Variants in SLC9B2 observed in about 807,000 individuals in gnomAD.
SLC9B2 encodes solute carrier family 9 member B2, also known as sodium/hydrogen exchanger 9B2.
In SLC9B2, 39 loss-of-function variants were observed where a neutral mutation model predicts 52.2. The observed-to-expected ratio is 0.75, with a 90% CI of 0.58 to 0.98. The LOEUF (loss-of-function observed/expected upper bound fraction) is 0.98. Among genes scored for constraint, SLC9B2 ranks in the 50% least tolerant of loss-of-function variants. SLC9B2 has a pLI of 0.00. For missense variants in SLC9B2, 626 were observed against 637.5 expected, an observed-to-expected ratio of 0.98 and a Z score of 0.19; for synonymous variants, 214 against 227.0, an observed-to-expected ratio of 0.94 and a Z score of 0.51.
At position 103,043,337 on chromosome 4, in the gene SLC9B2, C is replaced by A. The variant is rs750057654; in HGVS notation, c.1105G>T (p.Val369Phe). 3 of 1,612,826 alleles carry A rather than the reference C, an allele frequency of 1.9e-6. No homozygotes were observed. Among genetic ancestry groups the A allele is most frequent in the Middle Eastern group, 3.3e-4 (2 of 6,058 alleles). The change falls in exon 9 of 12, where the codon GTC becomes TTC. Residue 369 changes from valine (V) to phenylalanine (F), a missense_variant. By Grantham distance (50) the Val-to-Phe change is conservative (BLOSUM62 -1). Coordinates refer to ENST00000394785, the MANE Select transcript of SLC9B2 (RefSeq NM_178833.7). The part of the protein sequence containing the change: ...FPGSGGLCTL[V>F]MAFLAGMGWT... Reference sequence around the variant, plus strand: ...CCCATGCCTGCAAGGAAAGCCATGACCAACGTGCACAGTCCTCCTGATCCA... The same window carrying A: ...CCCATGCCTGCAAGGAAAGCCATGAACAACGTGCACAGTCCTCCTGATCCA...
intron 4 of SLC9B2, 51 bp downstream of exon 4, chr4:103,057,750 T>C: frequency 6.5e-7 from 1 of 1,537,380 alleles, no homozygotes. Flanking sequence ...CAAACTATTA[T>C]CTTAAAAATA....
At chr4:103,018,947 T>A (rs1741573470), downstream of SLC9B2, among the ~76,000 whole-genome samples, 1 of 152,192 alleles carries the variant, frequency 6.6e-6, no homozygotes. Context: ...GATTATGAAC[T>A]GCGCATGTGA....
intron 3 of SLC9B2, among the ~76,000 whole-genome samples, chr4:103,064,495 G>A (rs976224703): frequency 6.6e-6 from 1 of 152,162 alleles, no homozygotes; most frequent in African/African-American, 2.4e-5. Flanking sequence ...GGACTGGGGA[G>A]GGGAGGAGCT....
chr4:103,057,577 G>C (rs1745265870), intron 4 of SLC9B2, among the ~76,000 whole-genome samples: 1 of 152,006 alleles, frequency 6.6e-6, no homozygotes, highest in African/African-American at 2.4e-5. Flanking sequence ...AAAGTGCTGG[G>C]ATTACAGGTG....
In SLC9B2 at chr4:103,036,079, A is replaced by T. The variant is rs935176822; in HGVS notation, c.1147-4271T>A. 2.8e-4 allele frequency among the ~76,000 whole-genome samples: 42 copies of T among 152,208 alleles called. 5 individuals carry two copies. Among genetic ancestry groups the T allele is most frequent in the Admixed American group, 2.4e-3 (37 of 15,270 alleles). Reference sequence around the variant, plus strand: ...AAAACAACAGGCTAGAGAACACAGAAATAAAGCTGCACCCCTACAATCATC... The same window carrying T: ...AAAACAACAGGCTAGAGAACACAGATATAAAGCTGCACCCCTACAATCATC... On this transcript the variant is annotated intron_variant, in intron 9 of 11. Coordinates refer to ENST00000394785, the MANE Select transcript of SLC9B2 (RefSeq NM_178833.7).
chr4:103,048,793 A>T (rs748574844), intron 6 of SLC9B2, 100 bp downstream of exon 6: 1 of 1,385,678 alleles, frequency 7.2e-7, no homozygotes, highest in Non-Finnish European at 9.7e-7. Flanking sequence ...GCATTTTCTG[A>T]TATCTATAAG....
At chr4:103,068,170 T>C (rs1483852942) in intron 1 of SLC9B2, among the ~76,000 whole-genome samples, 2 of 152,300 alleles carry the variant, frequency 1.3e-5, no homozygotes, top group East Asian at 3.9e-4. Context: ...TACCAAAACA[T>C]ATTGTTTGTT....
chr4:103,063,305 T>C (rs188154957), intron 3 of SLC9B2, among the ~76,000 whole-genome samples: 1 of 152,346 alleles, frequency 6.6e-6, no homozygotes, highest in Non-Finnish European at 1.5e-5. Context: ...TTTGAGATTT[T>C]CTTCCATGCT....
chr4:103,049,662 G>A (rs1744485711), intron 5 of SLC9B2, among the ~76,000 whole-genome samples: 1 of 152,128 alleles, frequency 6.6e-6, no homozygotes, highest in Non-Finnish European at 1.5e-5. Context: ...AGAGAAAAGT[G>A]GGGCCTTTAT....
At chr4:103,038,935 G>C (rs1461976453) in intron 9 of SLC9B2, among the ~76,000 whole-genome samples, 1 of 152,130 alleles carries the variant, frequency 6.6e-6, no homozygotes, top group Non-Finnish European at 1.5e-5. Flanking sequence ...AATAATATCA[G>C]AAAACTATGG....
chr4:103,065,647 C>T (rs1452929933), intron 3 of SLC9B2: 2 of 152,164 alleles, frequency 1.3e-5, no homozygotes, highest in Admixed American at 1.3e-4. Flanking sequence ...ACAGCACAGA[C>T]ACACATATGC....
intron 9 of SLC9B2, among the ~76,000 whole-genome samples, chr4:103,034,926 C>T (rs552367742): frequency 3.7e-4 from 57 of 152,022 alleles, no homozygotes; most frequent in East Asian, 1.9e-4. Context: ...AAGTAAACTG[C>T]GTGACCAAAT....
rs1057463921 is a variant in SLC9B2 at position 103,076,348 on chromosome 4, C to T, written c.-207G>A. ...TGCGTTGACTGCAGATAAACGGTCT[C>T]AGGGCGCGGCACCGCGTGTAGTCGG... On this transcript the variant is annotated 5_prime_UTR_variant, in exon 1 of 12. Transcript: ENST00000394785. The T allele has an allele frequency of 6.6e-6, 1 of 152,332 alleles. No homozygotes were observed. Among genetic ancestry groups the T allele is most frequent in the Non-Finnish European group, 1.5e-5 (1 of 68,106 alleles). The allele number at this position is 152,332 out of a possible 1,614,324, so 9.4% of individuals were successfully genotyped here.
chr4:103,019,830 T>A, downstream of SLC9B2: 1 of 985,692 alleles, frequency 1.0e-6, no homozygotes, highest in Non-Finnish European at 1.2e-6. Context: ...CTGGTGTGTT[T>A]TCTGTCTATT....
intron 3 of SLC9B2, among the ~76,000 whole-genome samples, chr4:103,060,024 C>A (rs947307015): frequency 1.3e-5 from 2 of 151,796 alleles, no homozygotes; most frequent in African/African-American, 4.8e-5. Flanking sequence ...TAAAGGAATT[C>A]TTTTTCCTTG....
chr4:103,031,098 A>G (rs1742660508), intron 10 of SLC9B2, among the ~76,000 whole-genome samples: 2 of 152,192 alleles, frequency 1.3e-5, no homozygotes, highest in Admixed American at 1.3e-4. Context: ...TGAGAAAAGG[A>G]AAGAATCCAT....
intron 1 of SLC9B2, among the ~76,000 whole-genome samples, chr4:103,067,823 C>T (rs1005715020): frequency 2.0e-5 from 3 of 152,248 alleles, no homozygotes; most frequent in Admixed American, 1.3e-4. Flanking sequence ...TGACCAATCA[C>T]ATTTTTATGA....
chr4:103,067,963 G>C (rs559483343), intron 1 of SLC9B2, among the ~76,000 whole-genome samples: 2 of 152,308 alleles, frequency 1.3e-5, no homozygotes, highest in South Asian at 2.1e-4. Context: ...ATGTTGATAT[G>C]AGGAATGAGT....
intron 9 of SLC9B2, chr4:103,042,478 A>T (rs970800048): frequency 6.6e-6 from 1 of 151,998 alleles, no homozygotes; most frequent in African/African-American, 2.4e-5. Flanking sequence ...CTTGAAAATC[A>T]GTATGAAAAA....
Sources: gnomAD v4.1 joint callset for allele counts (sites outside exome capture counted in the v4.1 genomes callset) on GRCh38, gnomAD v4.1.1 for gene constraint, MANE v1.5 for transcripts, NCBI Gene and HGNC (gene_info 2026-07-23, HGNC 2026-07-21) for gene names.